The following KLF8 variants were observed in gnomAD, a reference collection of about 807,000 sequenced individuals.
The protein encoded by KLF8 is Krueppel-like factor 8.
KLF8 carries 10 observed loss-of-function variants against 18.2 expected under a neutral mutation model. That is an observed-to-expected ratio of 0.55 (90% confidence interval 0.34 to 0.93). The LOEUF (loss-of-function observed/expected upper bound fraction) is 0.93, where lower values mean the gene tolerates loss of function less well. KLF8 is among the 40% of genes least tolerant of loss of function. The pLI is 0.02. For missense variants in KLF8, 264 were observed against 277.9 expected, an observed-to-expected ratio of 0.95 and a Z score of 0.36; for synonymous variants, 109 against 97.3, an observed-to-expected ratio of 1.12 and a Z score of -0.71.
chrX:55,945,532 A>T, the KLF8 span, among the ~76,000 whole-genome samples: 2 of 111,255 alleles, frequency 1.8e-5, no homozygotes, highest in South Asian at 3.8e-4. Context: ...AGCCAATATC[A>T]TACTGAATGG....
the KLF8 span, among the ~76,000 whole-genome samples, chrX:55,950,272 G>A: frequency 9.0e-6 from 1 of 110,899 alleles, no homozygotes; most frequent in African/African-American, 3.3e-5. Context: ...AAGAAGAAGA[G>A]CTGGTTGTCA....
chrX:56,210,495 A>AT, the KLF8 span, among the ~76,000 whole-genome samples: 1 of 110,843 alleles, frequency 9.0e-6, no homozygotes, highest in Non-Finnish European at 1.9e-5. Context: ...TGGGAGTTTG[A>AT]TTTTTAAATG....
At chrX:56,188,587 G>C in the KLF8 span, among the ~76,000 whole-genome samples, 3 of 111,887 alleles carry the variant, frequency 2.7e-5, no homozygotes, top group Non-Finnish European at 5.6e-5. Flanking sequence ...AAAGAACAAA[G>C]CTGGAGGCAT....
chrX:55,957,707 G>A, the KLF8 span, among the ~76,000 whole-genome samples: 1 of 111,295 alleles, frequency 9.0e-6, no homozygotes, highest in African/African-American at 3.3e-5. Context: ...ATTGTTAATT[G>A]CTTGGTGATT....
chrX:56,195,692 G>A, the KLF8 span, among the ~76,000 whole-genome samples: 2 of 111,860 alleles, frequency 1.8e-5, no homozygotes, highest in Non-Finnish European at 1.9e-5. Context: ...CTCCAACCTA[G>A]CAAGGCAGGC....
the KLF8 span, among the ~76,000 whole-genome samples, chrX:55,984,016 T>A: frequency 9.1e-6 from 1 of 109,427 alleles, no homozygotes; most frequent in African/African-American, 3.3e-5. Context: ...ATGATATATA[T>A]ATATATGGTG....
chrX:56,185,780 C>T, the KLF8 span, among the ~76,000 whole-genome samples: 1 of 111,593 alleles, frequency 9.0e-6, no homozygotes, highest in Non-Finnish European at 1.9e-5. Flanking sequence ...AACTAAGCTT[C>T]ATAAGTGAAG....
At chrX:56,223,567 C>T in the KLF8 span, among the ~76,000 whole-genome samples, 1 of 112,643 alleles carries the variant, frequency 8.9e-6, no homozygotes, top group Non-Finnish European at 1.9e-5. Context: ...TATTGAGCAA[C>T]TACTCTCTTT....
At chrX:56,140,784 G>A in the KLF8 span, among the ~76,000 whole-genome samples, 1 of 70,278 alleles carries the variant, frequency 1.4e-5, no homozygotes, top group African/African-American at 5.8e-5. Context: ...AAATGAAAAC[G>A]CTGCCCCTCC....
chrX:55,944,138 G>A, the KLF8 span, among the ~76,000 whole-genome samples: 1 of 110,681 alleles, frequency 9.0e-6, no homozygotes. Context: ...TACATTTATT[G>A]ATTTGCGTAT....
the KLF8 span, among the ~76,000 whole-genome samples, chrX:56,208,358 G>T: frequency 2.7e-5 from 3 of 111,300 alleles, no homozygotes; most frequent in African/African-American, 9.8e-5. Context: ...TTATTTATTT[G>T]GGTCTTATTT....
chrX:56,184,575 G>T, the KLF8 span, among the ~76,000 whole-genome samples: 1 of 112,288 alleles, frequency 8.9e-6, no homozygotes, highest in African/African-American at 3.2e-5. Context: ...GCCTCCTCAA[G>T]TGCGTCCCTG....
chrX:56,200,799 G>A, the KLF8 span, among the ~76,000 whole-genome samples: 1 of 111,447 alleles, frequency 9.0e-6, no homozygotes, highest in Admixed American at 9.6e-5. Flanking sequence ...TAAAAAGGAA[G>A]AAAGGACCTG....
chrX:56,108,480 G>C, the KLF8 span, among the ~76,000 whole-genome samples: 4 of 111,856 alleles, frequency 3.6e-5, no homozygotes, highest in Non-Finnish European at 5.6e-5. Context: ...TTTTTCATAT[G>C]TATGTGTATA....
At chrX:56,133,713 G>A in the KLF8 span, among the ~76,000 whole-genome samples, 1 of 111,415 alleles carries the variant, frequency 9.0e-6, no homozygotes, top group African/African-American at 3.3e-5. Context: ...TTGGTAAAGA[G>A]GAAATCAAAC....
At chrX:56,019,403 G>A in the KLF8 span, among the ~76,000 whole-genome samples, 1 of 112,320 alleles carries the variant, frequency 8.9e-6, no homozygotes, top group African/African-American at 3.2e-5. Flanking sequence ...GGAATAAAAT[G>A]CACTTCTTTC....
At chrX:55,937,227 G>C in the KLF8 span, among the ~76,000 whole-genome samples, 1 of 111,567 alleles carries the variant, frequency 9.0e-6, no homozygotes, top group African/African-American at 3.3e-5. Flanking sequence ...AATATCCGCT[G>C]TTCTGCAGCG....
chrX:56,149,218 A>G, the KLF8 span, among the ~76,000 whole-genome samples: 3 of 111,748 alleles, frequency 2.7e-5, no homozygotes, highest in Non-Finnish European at 5.6e-5. Flanking sequence ...TGATGTCTAT[A>G]TCTATGTCGG....
the KLF8 span, among the ~76,000 whole-genome samples, chrX:55,975,604 G>A: frequency 4.5e-5 from 5 of 110,791 alleles, no homozygotes; most frequent in African/African-American, 6.6e-5. Flanking sequence ...CTCATGTTTC[G>A]CAAAATAGTG....
Sources: gnomAD v4.1 joint callset for allele counts (sites outside exome capture counted in the v4.1 genomes callset) on GRCh38, gnomAD v4.1.1 for gene constraint, MANE v1.5 for transcripts, NCBI Gene and HGNC (gene_info 2026-07-23, HGNC 2026-07-21) for gene names.